NGFR: variants seen among roughly 807,000 people sequenced by gnomAD.
NGFR encodes the protein tumor necrosis factor receptor superfamily member 16.
Under a neutral mutation model 43.2 loss-of-function variants are expected in NGFR, and 30 were observed. That is an observed-to-expected ratio of 0.69 (90% CI 0.52 to 0.94). The LOEUF (loss-of-function observed/expected upper bound fraction) is 0.94. Among genes scored for constraint, NGFR ranks in the 40% least tolerant of loss-of-function variants. The probability of loss-of-function intolerance (pLI) is 0.00; values close to 1 mark genes in which losing one functional copy is unlikely to be tolerated. For synonymous variants in NGFR, 246 were observed against 259.6 expected (o/e 0.95, Z 0.50); for missense variants, 529 against 602.5 (o/e 0.88, Z 1.28).
intron 2 of NGFR, 142 bp downstream of exon 2, chr17:49,502,346 C>G: frequency 1.1e-6 from 1 of 911,892 alleles, no homozygotes; most frequent in Non-Finnish European, 1.6e-6. Flanking sequence ...TGGGTCTGAC[C>G]CAGTGTAGGA....
intron 1 of NGFR, 55 bp from the exon 2 acceptor site, chr17:49,502,008 C>A (rs1043327134): frequency 1.3e-6 from 1 of 741,916 alleles, no homozygotes; most frequent in Non-Finnish European, 1.9e-6. Flanking sequence ...GAACCCCCCC[C>A]AACCCACCCC....
chr17:49,508,164 C>T (rs757062433), intron 3 of NGFR, among the ~76,000 whole-genome samples: 6 of 152,218 alleles, frequency 3.9e-5, no homozygotes, highest in African/African-American at 1.4e-4. Flanking sequence ...TGGCATCAGG[C>T]GCCAGGCAGA....
At chr17:49,502,000 A>AGCGCC in intron 1 of NGFR, 63 bp from the exon 2 acceptor site, 1 of 264,886 alleles carries the variant, frequency 3.8e-6, no homozygotes, top group Non-Finnish European at 7.9e-6. Flanking sequence ...CCCCGGAAGA[A>AGCGCC]CCCCCCCCAA....
chr17:49,501,360 G>C (rs1400971349), intron 1 of NGFR, among the ~76,000 whole-genome samples: 2 of 152,182 alleles, frequency 1.3e-5, no homozygotes, highest in African/African-American at 4.8e-5. Flanking sequence ...CGAGGCTTTT[G>C]CCAAATGGCT....
In NGFR at chr17:49,506,094, G is replaced by A. The variant is rs1006461532; in HGVS notation, c.209-205G>A. Reference sequence around the variant, plus strand: ...TCTGGAGCCTGGAGGATGCGGCTCCGGGCCTCCTCCCCCTTTCCCAGTTGG... The same window carrying A: ...TCTGGAGCCTGGAGGATGCGGCTCCAGGCCTCCTCCCCCTTTCCCAGTTGG... On this transcript the variant is annotated intron_variant, in intron 2 of 5. Coordinates refer to ENST00000172229, the MANE Select transcript of NGFR (RefSeq NM_002507.4). 1.2e-5 allele frequency: 12 copies of A among 1,011,648 alleles called. No individual in the cohort carries two copies. In the African/African-American group the frequency reaches 1.5e-4, roughly 12 times the overall value. 62.7% of individuals were successfully genotyped at this position (1,011,648 alleles called of 1,614,324 possible).
At chr17:49,497,412 G>A (rs541988438) in intron 1 of NGFR, 2 of 152,484 alleles carry the variant, frequency 1.3e-5, no homozygotes, top group East Asian at 3.9e-4. Flanking sequence ...GAGCGGGGAG[G>A]AGGGACCGGA....
Position 49,506,667 on chromosome 17 carries a change from GGT to G in NGFR, c.568+10_568+11del. 2 of 1,414,138 alleles carry G rather than the reference GGT, an allele frequency of 1.4e-6. No individual in the cohort carries two copies. The highest frequency in any genetic ancestry group is 1.6e-5 in the South Asian group (1 of 64,236). The allele number at this position is 1,414,138 out of a possible 1,614,324, so 87.6% of individuals were successfully genotyped here. A position where few individuals can be genotyped will look rare whatever the true frequency, so the allele number is the denominator to read the frequency against. ...CGACGCCGAGTGCGAGGGTGAGTGC[GGT>G]TCGGGGGGCGGGGGGAGTGGGGGTG... On this transcript the variant is annotated intron_variant, in intron 3 of 5. Transcript: ENST00000172229.
In NGFR at chr17:49,495,565, A is replaced by G. The variant is rs2071133702; in HGVS notation, c.66+82A>G. On this transcript the variant is annotated intron_variant, in intron 1 of 5. Coordinates refer to ENST00000172229, the MANE Select transcript of NGFR (RefSeq NM_002507.4). The surrounding 1 kb of genome is among the most constrained non-coding windows in gnomAD (Gnocchi z 6.4). ...AGCCGGGCGCCGCCACCAAGGAAAC[A>G]GAACAGAGCATTGGGGTCCCAGATA... The G allele has an allele frequency of 1.8e-6, 2 of 1,118,160 alleles. No homozygotes were observed. Among genetic ancestry groups the G allele is most frequent in the African/African-American group, 3.2e-5 (2 of 62,420 alleles). The allele number at this position is 1,118,160 out of a possible 1,614,324, so 69.3% of individuals were successfully genotyped here.
chr17:49,502,005 C>A, intron 1 of NGFR, 58 bp from the exon 2 acceptor site: 1 of 457,876 alleles, frequency 2.2e-6, no homozygotes, highest in South Asian at 3.4e-5. Flanking sequence ...GAAGAACCCC[C>A]CCCAACCCAC....
chr17:49,499,181 T>C (rs185005889), intron 1 of NGFR, among the ~76,000 whole-genome samples: 184 of 152,144 alleles, frequency 1.2e-3, no homozygotes, highest in Non-Finnish European at 1.8e-3. Context: ...CTACTCCAAA[T>C]GCAGTTTTTA....
At position 49,513,120 on chromosome 17, in the gene NGFR, G is replaced by C; in HGVS notation, c.*111G>C. On this transcript the variant is annotated 3_prime_UTR_variant, in exon 6 of 6. Coordinates refer to ENST00000172229, the MANE Select transcript of NGFR (RefSeq NM_002507.4). ...TGGGGGGGGCCCGCCTGGCAGAACT[G>C]AGCTCCTCTGGGCAGGACCTCAGAG... 1 of 1,209,072 alleles carries C rather than the reference G, an allele frequency of 8.3e-7. No individual in the cohort carries two copies. Among genetic ancestry groups the C allele is most frequent in the Non-Finnish European group, 1.1e-6 (1 of 893,046 alleles). The allele number at this position is 1,209,072 out of a possible 1,614,324, so 74.9% of individuals were successfully genotyped here. A position where few individuals can be genotyped will look rare whatever the true frequency, so the allele number is the denominator to read the frequency against.
intron 3 of NGFR, among the ~76,000 whole-genome samples, 190 bp downstream of exon 3, chr17:49,506,848 C>G (rs79222344): frequency 0.05 from 7,638 of 152,218 alleles, 479 homozygotes; most frequent in African/African-American, 0.14. Flanking sequence ...GGTCATTCCC[C>G]ATCCTGTCTC....
Position 49,512,150 on chromosome 17 carries a change from A to G in NGFR, c.982+98A>G. The G allele has an allele frequency of 2.8e-6, 4 of 1,445,464 alleles. No homozygotes were observed. In the East Asian group the frequency reaches 9.9e-5, roughly 36 times the overall value. 89.5% of individuals were successfully genotyped at this position (1,445,464 alleles called of 1,614,324 possible). The stretch of plus-strand genomic sequence containing the variant: ...CAGGAAGGACTGTCGGGGGGGCGGC[A>G]GGGCTGGCTCAGCGGTGCCCCTGTA... On this transcript the variant is annotated intron_variant, in intron 5 of 5. Transcript: ENST00000172229. The surrounding 1 kb of genome is among the most constrained non-coding windows in gnomAD (Gnocchi z 5.2).
intron 2 of NGFR, chr17:49,505,749 G>A (rs1438975682): frequency 2.6e-5 from 4 of 152,762 alleles, no homozygotes; most frequent in Non-Finnish European, 5.8e-5. Context: ...CAGCAGCATG[G>A]GGGTAGTGCC....
Position 49,513,271 on chromosome 17 carries a change from A to C in NGFR, c.*262A>C. The stretch of plus-strand genomic sequence containing the variant: ...CCAACCCTGCCCCTGCCCCGTCACC[A>C]TCTCAGGCCACCTGCCCCCTTCTCC... On this transcript the variant is annotated 3_prime_UTR_variant, in exon 6 of 6. Transcript: ENST00000172229. The C allele has an allele frequency of 2.1e-6, 1 of 473,154 alleles. No homozygotes were observed. Among genetic ancestry groups the C allele is most frequent in the Non-Finnish European group, 3.7e-6 (1 of 268,274 alleles). The allele number at this position is 473,154 out of a possible 1,614,324, so 29.3% of individuals were successfully genotyped here.
rs751393632 is a variant in NGFR, at chr17:49,506,341, A to G, written c.251A>G (p.Lys84Arg). The G allele has an allele frequency of 2.2e-5, 35 of 1,585,916 alleles. No homozygotes were observed. Among genetic ancestry groups the G allele is most frequent in the Non-Finnish European group, 3.0e-5 (35 of 1,167,676 alleles). The change falls in exon 3 of 6, where the codon AAG (lysine) becomes AGG (arginine). Residue 84 changes from lysine (K) to arginine (R), a missense_variant. Physicochemically the swap from Lys to Arg is conservative, Grantham distance 26 (BLOSUM62 2). Coordinates refer to ENST00000172229, the MANE Select transcript of NGFR (RefSeq NM_002507.4). The part of the protein sequence containing the change: ...SDVVSATEPC[K>R]PCTECVGLQS... ...GTGGTGAGCGCGACCGAGCCGTGCA[A>G]GCCGTGCACCGAGTGCGTGGGGCTC...
intron 2 of NGFR, chr17:49,506,036 T>G: frequency 1.9e-6 from 1 of 534,070 alleles, no homozygotes; most frequent in Non-Finnish European, 3.1e-6. Context: ...ACCAGCTGGG[T>G]TATGCCGGAA....
Position 49,512,636 on chromosome 17 carries a change from C to CT in NGFR, c.983-71dup. 6.7e-7 allele frequency: 1 copy of CT among 1,502,356 alleles called. No individual in the cohort carries two copies. Among genetic ancestry groups the CT allele is most frequent in the South Asian group, 1.3e-5 (1 of 75,088 alleles). The allele number at this position is 1,502,356 out of a possible 1,614,324, so 93.1% of individuals were successfully genotyped here. ...AGCACTGCCTCGGCCCTTCTTGGGT[C>CT]TCACCCCAGTGCCCACTGTTGGGGA... On this transcript the variant is annotated intron_variant, in intron 5 of 5. Coordinates refer to ENST00000172229, the MANE Select transcript of NGFR (RefSeq NM_002507.4). The surrounding 1 kb of genome is among the most constrained non-coding windows in gnomAD (Gnocchi z 5.2).
At chr17:49,502,000 A>ACCGCCCCC in intron 1 of NGFR, 63 bp from the exon 2 acceptor site, 2 of 264,886 alleles carry the variant, frequency 7.6e-6, no homozygotes, top group Non-Finnish European at 7.9e-6. Context: ...CCCCGGAAGA[A>ACCGCCCCC]CCCCCCCCAA....
Sources: gnomAD v4.1 joint callset for allele counts (sites outside exome capture counted in the v4.1 genomes callset) on GRCh38, gnomAD v4.1.1 for gene constraint, Gnocchi (gnomAD v3.1) non-coding constraint, MANE v1.5 for transcripts, NCBI Gene and HGNC (gene_info 2026-07-23, HGNC 2026-07-21) for gene names.